Variants in C2 observed in about 807,000 individuals in gnomAD.
The protein encoded by C2 is complement C2, also known as C3/C5 convertase.
In C2, 64 loss-of-function variants were observed where a neutral mutation model predicts 85.2. That is an observed-to-expected ratio of 0.75 (90% CI 0.61 to 0.92). The LOEUF (loss-of-function observed/expected upper bound fraction) is 0.92, where lower values mean the gene tolerates loss of function less well. Among genes scored for constraint, C2 ranks in the 40% least tolerant of loss-of-function variants. The pLI is 0.00. For missense variants in C2, 820 were observed against 971.6 expected (o/e 0.84, Z 2.07); for synonymous variants, 311 against 370.8 (o/e 0.84, Z 1.85).
chr6:31,901,380 G>A, intron 1 of C2: 2 of 1,472,856 alleles, frequency 1.4e-6, no homozygotes, highest in African/African-American at 2.8e-5. Context: ...CCGAAGCCAA[G>A]GCTCCAGGAC....
At chr6:31,938,921 G>A (rs1316225494) in intron 8 of C2, among the ~76,000 whole-genome samples, 2 of 151,992 alleles carry the variant, frequency 1.3e-5, no homozygotes, top group Non-Finnish European at 2.9e-5. Context: ...CCAAAGTGCT[G>A]GGATTACAGG....
At position 31,939,296 on chromosome 6, in the gene C2, A is replaced by C; in HGVS notation, c.1195A>C (p.Asn399His). Residue 399 changes from asparagine to histidine, a missense_variant, in exon 9 of 18, where the codon AAC (asparagine) becomes CAC (histidine). By Grantham distance (68) the Asn-to-His change is moderately conservative (BLOSUM62 1). Coordinates refer to ENST00000299367, the MANE Select transcript of C2 (RefSeq NM_000063.6). ...CCATATCAGAGAGATCCTGAACATC[A>C]ACCAGAAGAGGAATGACTATCTGGG... ...VDHIREILNI[N>H]QKRNDYLDIY... 1 of 1,612,556 alleles carries C rather than the reference A, an allele frequency of 6.2e-7. No homozygotes were observed. The highest frequency in any genetic ancestry group is 8.5e-7 in the Non-Finnish European group (1 of 1,179,838).
chr6:31,917,529 C>T (rs1361373245), upstream of C2, among the ~76,000 whole-genome samples: 1 of 152,074 alleles, frequency 6.6e-6, no homozygotes, highest in African/African-American at 2.4e-5. Context: ...CTAATTGGTT[C>T]TATGACTACC....
intron 3 of C2, chr6:31,932,572 G>C (rs1769973522): frequency 6.0e-6 from 1 of 165,900 alleles, no homozygotes; most frequent in Non-Finnish European, 1.3e-5. Flanking sequence ...GCCGGGAAGA[G>C]GCGCTCCTCA....
upstream of C2, chr6:31,899,897 C>T (rs370952155): frequency 7.8e-5 from 120 of 1,540,038 alleles, no homozygotes; most frequent in South Asian, 1.3e-3. Context: ...CCCAGGGGCC[C>T]CAGCCTCCTG....
chr6:31,937,478 G>A lies in C2; in HGVS notation c.1129+19G>A, dbSNP rs1017147170. The A allele has an allele frequency of 1.2e-6, 2 of 1,612,550 alleles. No individual in the cohort carries two copies. The highest frequency in any genetic ancestry group is 2.7e-5 in the African/African-American group (2 of 74,892). ...ACAGATGGTGGGTATCATGGTCTCTGAGTGTGTCTGGAATAGTGGAAGGGG... is the reference window on the plus strand; with the variant it reads ...ACAGATGGTGGGTATCATGGTCTCTAAGTGTGTCTGGAATAGTGGAAGGGG... On this transcript the variant is annotated intron_variant, in intron 8 of 17. Coordinates refer to ENST00000299367, the MANE Select transcript of C2 (RefSeq NM_000063.6).
chr6:31,927,909 T>C lies in C2; in HGVS notation c.47-46T>C. The C allele has an allele frequency of 6.3e-7, 1 of 1,597,204 alleles. No homozygotes were observed. The highest frequency in any genetic ancestry group is 8.6e-7 in the Non-Finnish European group (1 of 1,164,524). On this transcript the variant is annotated intron_variant, in intron 1 of 17. Coordinates refer to ENST00000299367, the MANE Select transcript of C2 (RefSeq NM_000063.6). The surrounding 1 kb of genome is among the most constrained non-coding windows in gnomAD (Gnocchi z 4.7). ...TTTTGCTTTCCTTTTCTCATCTGTG[T>C]CTTCCTTCTTTCTCCATTGCTGTCT...
chr6:31,929,777 A>G lies in C2; in HGVS notation c.442+860A>G, dbSNP rs376443774. Among the ~76,000 whole-genome samples, 17 of 148,888 alleles carry G rather than the reference A, an allele frequency of 1.1e-4. No individual in the cohort carries two copies. The East Asian group carries it at 2.8e-3, about 25-fold the overall frequency. ...GGTGCCTCACGCCTGTAATCCCAGC[A>G]CTTTGGGAGGCTGAGGTGGGTGGAT... On this transcript the variant is annotated intron_variant, in intron 3 of 17. Coordinates refer to ENST00000299367, the MANE Select transcript of C2 (RefSeq NM_000063.6).
upstream of C2, among the ~76,000 whole-genome samples, chr6:31,925,122 T>C (rs1769186089): frequency 6.6e-6 from 1 of 152,196 alleles, no homozygotes; most frequent in Non-Finnish European, 1.5e-5. Context: ...GCATGGAAGA[T>C]CAGCAGAAGA....
intron 7 of C2, chr6:31,936,970 T>G: frequency 3.3e-6 from 1 of 302,990 alleles, no homozygotes; most frequent in South Asian, 3.7e-5. Context: ...TCCCAGCACT[T>G]TGGGAGGCTG....
At position 31,943,035 on chromosome 6, in the gene C2, T is replaced by C. The variant is rs1247595568; in HGVS notation, c.1296T>C (p.Gly432=). ...ELNELGSKKD[G]ERHAFILQDT... ...ATGAGCTAGGGTCCAAGAAGGATGG[T>C]GAGAGGCATGCCTTCATTCTGCAGG... Residue 432 remains glycine (G), a synonymous_variant, in exon 10 of 18, where the codon GGT becomes GGC. Coordinates refer to ENST00000299367, the MANE Select transcript of C2 (RefSeq NM_000063.6). This position sits in a 1 kb window ranked among gnomAD's most constrained non-coding sequence, Gnocchi z 6.4. 3.7e-6 allele frequency: 6 copies of C among 1,613,056 alleles called. No homozygotes were observed. The highest frequency in any genetic ancestry group is 5.1e-6 in the Non-Finnish European group (6 of 1,180,034).
rs757733473 is a variant in C2, at chr6:31,928,825, G to A, written c.350G>A (p.Cys117Tyr). Residue 117 changes from cysteine (C) to tyrosine (Y), a missense_variant, in exon 3 of 18, where the codon TGT becomes TAT. Physicochemically the swap from Cys to Tyr is radical, Grantham distance 194. Coordinates refer to ENST00000299367, the MANE Select transcript of C2 (RefSeq NM_000063.6). ...YPVGGNVSFE[C>Y]EDGFILRGSP... ...GTGGGTGGCAATGTGAGCTTCGAGT[G>A]TGAGGATGGCTTCATATTGCGGGGC... is the stretch of plus-strand genomic sequence containing the variant. The A allele has an allele frequency of 6.2e-7, 1 of 1,614,262 alleles. No homozygotes were observed. The highest frequency in any genetic ancestry group is 2.2e-5 in the East Asian group (1 of 44,896).
rs144989659 is a variant in C2 at position 31,914,650 on chromosome 6, C to T, written c.73+13511C>T. Among the ~76,000 whole-genome samples, 325 of 151,434 alleles carry T rather than the reference C, an allele frequency of 2.1e-3. 2 individuals carry two copies. Among genetic ancestry groups the T allele is most frequent in the East Asian group, 8.6e-3 (44 of 5,092 alleles). On this transcript the variant is annotated intron_variant, in intron 1 of 3. Coordinates refer to the C2 transcript ENST00000452202. ...GCAATCGGCCGGGCGCGGTGGTTCA[C>T]GCCTGTAATCCCAGCACTGTGGGAG...
intron 9 of C2, among the ~76,000 whole-genome samples, chr6:31,940,689 C>A (rs1361866132): frequency 6.6e-6 from 1 of 152,174 alleles, no homozygotes; most frequent in African/African-American, 2.4e-5. Flanking sequence ...AAATTTAAAG[C>A]CCACTCCCTT....
chr6:31,901,592 A>T (rs1331662587), intron 1 of C2, among the ~76,000 whole-genome samples: 1 of 150,460 alleles, frequency 6.6e-6, no homozygotes, highest in Non-Finnish European at 1.5e-5. Context: ...CGGTGGAAGG[A>T]CGGAGAAAAA....
chr6:31,935,910 T>C lies in C2; in HGVS notation c.850-13T>C. The stretch of plus-strand genomic sequence containing the variant: ...CAGGGCCCTTTACGCTGCCTCTCAC[T>C]TGCCCCGCACAGATCTTCAGCTTTG... On this transcript the variant is annotated splice_polypyrimidine_tract_variant and intron_variant, in intron 6 of 17. Coordinates refer to ENST00000299367, the MANE Select transcript of C2 (RefSeq NM_000063.6). This position sits in a 1 kb window ranked among gnomAD's most constrained non-coding sequence, Gnocchi z 4.3. The C allele has an allele frequency of 6.2e-7, 1 of 1,612,838 alleles. No individual in the cohort carries two copies. Among genetic ancestry groups the C allele is most frequent in the Non-Finnish European group, 8.5e-7 (1 of 1,179,966 alleles).
chr6:31,906,006 A>G (rs1767689623), intron 1 of C2, among the ~76,000 whole-genome samples: 1 of 152,058 alleles, frequency 6.6e-6, no homozygotes, highest in African/African-American at 2.4e-5. Context: ...GATGCTTAGC[A>G]CGTACTAGAA....
At chr6:31,927,392 T>G, upstream of C2, 1 of 758,934 alleles carries the variant, frequency 1.3e-6, no homozygotes, top group Non-Finnish European at 1.9e-6. This position sits in a 1 kb window ranked among gnomAD's most constrained non-coding sequence, Gnocchi z 4.7. Flanking sequence ...AAGGTGCATG[T>G]GTGCACACAC....
At position 31,922,109 on chromosome 6, in the gene C2, A is replaced by G. The variant is rs113396470; in HGVS notation, c.-100+2083A>G. Among the ~76,000 whole-genome samples, 201 of 152,220 alleles carry G rather than the reference A, an allele frequency of 1.3e-3. No individual in the cohort carries two copies. The highest frequency in any genetic ancestry group is 4.2e-3 in the African/African-American group (175 of 41,532). ...GCTTTCTGTGCACAGATGGTGCAGGACACCAAAAACAATCCTTGGGTAGAG... is the reference window on the plus strand; with the variant it reads ...GCTTTCTGTGCACAGATGGTGCAGGGCACCAAAAACAATCCTTGGGTAGAG... On this transcript the variant is annotated intron_variant, in intron 1 of 3. Transcript: ENST00000413154. The surrounding 1 kb of genome is among the most constrained non-coding windows in gnomAD (Gnocchi z 4.8).
Sources: allele counts gnomAD v4.1 joint callset (sites outside exome capture counted in the v4.1 genomes callset), GRCh38; gene constraint gnomAD v4.1.1; non-coding constraint Gnocchi (gnomAD v3.1); transcripts MANE v1.5; gene names NCBI Gene and HGNC (gene_info 2026-07-23, HGNC 2026-07-21).